Variants in RALGPS2 observed in about 807,000 individuals in gnomAD.
The protein encoded by RALGPS2 is Ral GEF with PH domain and SH3 binding motif 2.
Under a neutral mutation model 86.8 loss-of-function variants are expected in RALGPS2, and 43 were observed. That is an observed-to-expected ratio of 0.50 (90% CI 0.39 to 0.64). RALGPS2 has a LOEUF of 0.64. RALGPS2 is among the 30% of genes least tolerant of loss of function. The pLI, the probability that RALGPS2 is intolerant of heterozygous loss-of-function variation, is 0.00. For missense variants in RALGPS2, 536 were observed against 694.6 expected (o/e 0.77, Z 2.57); for synonymous variants, 243 against 231.3 (o/e 1.05, Z -0.46).
chr1:178,833,327 A>T, intron 7 of RALGPS2, 97 bp from the exon 8 acceptor site: 1 of 1,144,332 alleles, frequency 8.7e-7, no homozygotes, highest in Non-Finnish European at 1.1e-6. Flanking sequence ...CTTTGAAATT[A>T]AAATCCATAT....
In RALGPS2 at chr1:178,821,620, T is replaced by C. The variant is rs1655509543; in HGVS notation, c.396T>C (p.Tyr132=). 3 of 1,610,762 alleles carry C rather than the reference T, an allele frequency of 1.9e-6. No homozygotes were observed. The African/African-American group carries it at 4.0e-5, about 22-fold the overall frequency. ...SHYIKTAKKL[Y]ELNNLHALMA... is the part of the protein sequence containing the mutation. Reference sequence around the variant, plus strand: ...TTTTTTCAAATCTTCAGAAACTGTATGAGCTGAATAACCTTCATGCACTTA... The same window carrying C: ...TTTTTTCAAATCTTCAGAAACTGTACGAGCTGAATAACCTTCATGCACTTA... Residue 132 remains tyrosine, a synonymous_variant, in exon 7 of 20, where the codon TAT becomes TAC. Coordinates refer to ENST00000367635, the MANE Select transcript of RALGPS2 (RefSeq NM_152663.5).
Position 178,870,789 on chromosome 1 carries a change from TC to T in RALGPS2, c.608-6708del, listed in dbSNP as rs1448158301. On this transcript the variant is annotated intron_variant, in intron 8 of 19. Coordinates refer to ENST00000367635, the MANE Select transcript of RALGPS2 (RefSeq NM_152663.5). ...GAATCCAGAAACTTGCTGCCCTTAT[TC>T]TTGATTTTAAAAATCAGTGTAGAAG... 27 of 152,214 alleles carry T rather than the reference TC, an allele frequency of 1.8e-4. 1 individual carries two copies. The highest frequency in any genetic ancestry group is 1.8e-3 in the Admixed American group (27 of 15,274). 9.4% of individuals were successfully genotyped at this position (152,214 alleles called of 1,614,324 possible).
intron 8 of RALGPS2, among the ~76,000 whole-genome samples, chr1:178,857,425 C>G (rs987898018): frequency 7.2e-5 from 11 of 152,048 alleles, no homozygotes; most frequent in African/African-American, 2.7e-4. Context: ...AAGAAACAAC[C>G]TTAGAGTCAA....
At chr1:178,746,959 T>C in intron 1 of RALGPS2, 1 of 1,003,006 alleles carries the variant, frequency 1.0e-6, no homozygotes, top group Non-Finnish European at 1.6e-6. Flanking sequence ...CAGGAGGTAG[T>C]CTTCCTTAGA....
Position 178,833,511 on chromosome 1 carries a change from A to G in RALGPS2, c.568A>G (p.Ile190Val). The G allele has an allele frequency of 6.5e-7, 1 of 1,533,210 alleles. No homozygotes were observed. The highest frequency in any genetic ancestry group is 1.4e-5 in the African/African-American group (1 of 69,206). 95.0% of individuals were successfully genotyped at this position (1,533,210 alleles called of 1,614,324 possible). A position where few individuals can be genotyped will look rare whatever the true frequency, so the allele number is the denominator to read the frequency against. ...TAACTACAAAAGACTCAGAGACTATATAAGTAGCTTAAAGATGACACCTTG... is the reference window on the plus strand; with the variant it reads ...TAACTACAAAAGACTCAGAGACTATGTAAGTAGCTTAAAGATGACACCTTG... ...EDNYKRLRDYISSLKMTPCIP... is the reference protein window; with the variant it reads ...EDNYKRLRDYVSSLKMTPCIP... Residue 190 changes from isoleucine to valine, a missense_variant, in exon 8 of 20, where the codon ATA (isoleucine) becomes GTA (valine). Transcript: ENST00000367635.
Position 178,834,327 on chromosome 1 carries a change from C to G in RALGPS2, c.607+777C>G. Among the ~76,000 whole-genome samples, 2 of 152,154 alleles carry G rather than the reference C, an allele frequency of 1.3e-5. 1 individual carries two copies. The highest frequency in any genetic ancestry group is 1.3e-4 in the Admixed American group (2 of 15,284). ...GTGCTTTCTGGTCCTCCCCACCCCC[C>G]AGATTTTGTGTTTGATGAAATTACT... On this transcript the variant is annotated intron_variant, in intron 8 of 19. Transcript: ENST00000367635.
intron 1 of RALGPS2, among the ~76,000 whole-genome samples, chr1:178,756,578 G>C (rs1651967863): frequency 6.6e-6 from 1 of 152,130 alleles, no homozygotes; most frequent in African/African-American, 2.4e-5. Context: ...GGTATAGTTT[G>C]AACTCAGGTA....
intron 1 of RALGPS2, among the ~76,000 whole-genome samples, chr1:178,768,895 GATGCTTGGAGAT>G (rs1232671766): frequency 2.6e-5 from 4 of 152,170 alleles, no homozygotes; most frequent in African/African-American, 9.7e-5. Context: ...GGGTGCTCCA[GATGCTTGGAGAT>G]ATGCCTGGGA....
At chr1:178,747,514 C>T in intron 1 of RALGPS2, 2 of 1,611,428 alleles carry the variant, frequency 1.2e-6, no homozygotes, top group South Asian at 1.1e-5. Flanking sequence ...TGCGGTTCAG[C>T]ATGACAACTG....
At chr1:178,729,161 A>G (rs1370554484) in intron 1 of RALGPS2, among the ~76,000 whole-genome samples, 1 of 152,018 alleles carries the variant, frequency 6.6e-6, no homozygotes, top group Admixed American at 6.6e-5. Flanking sequence ...CTTTTTTTTC[A>G]GAACAGATTT....
intron 11 of RALGPS2, among the ~76,000 whole-genome samples, chr1:178,883,917 A>T (rs1659366401): frequency 6.6e-6 from 1 of 151,970 alleles, no homozygotes. Flanking sequence ...TGAACCCGGG[A>T]GGCAGAGCTT....
intron 1 of RALGPS2, among the ~76,000 whole-genome samples, chr1:178,768,790 C>T (rs1250229181): frequency 3.9e-5 from 6 of 152,180 alleles, no homozygotes; most frequent in Admixed American, 6.5e-5. Flanking sequence ...ACCAGACGCC[C>T]AGAAGTGTGT....
intron 19 of RALGPS2, among the ~76,000 whole-genome samples, chr1:178,913,434 C>A (rs1037369543): frequency 6.6e-6 from 1 of 151,986 alleles, no homozygotes; most frequent in Non-Finnish European, 1.5e-5. Context: ...TCACTTTTTC[C>A]TGTATCTCAC....
chr1:178,743,932 T>C (rs374080160), intron 1 of RALGPS2, among the ~76,000 whole-genome samples: 1 of 152,150 alleles, frequency 6.6e-6, no homozygotes, highest in Non-Finnish European at 1.5e-5. Flanking sequence ...GTTAAACGTT[T>C]AAGGAAGAAT....
chr1:178,783,884 G>T (rs1486867492), intron 2 of RALGPS2, among the ~76,000 whole-genome samples: 1 of 151,988 alleles, frequency 6.6e-6, no homozygotes, highest in African/African-American at 2.4e-5. Context: ...TTTTTAAGCA[G>T]GGAAAACTTA....
intron 1 of RALGPS2, among the ~76,000 whole-genome samples, chr1:178,754,239 T>G (rs2102051141): frequency 6.6e-6 from 1 of 150,810 alleles, no homozygotes; most frequent in African/African-American, 2.4e-5. Context: ...TTTTATTATA[T>G]ATATAATCCT....
In RALGPS2 at chr1:178,897,645, C is replaced by A; in HGVS notation, c.1432-19C>A. 2 of 1,580,374 alleles carry A rather than the reference C, an allele frequency of 1.3e-6. No homozygotes were observed. Among genetic ancestry groups the A allele is most frequent in the South Asian group, 1.1e-5 (1 of 90,266 alleles). ...CCAGGAGCATTGTAATAGTATATTC[C>A]TGTGTTTGTCCTATCCAGGTAGCAT... is the stretch of plus-strand genomic sequence containing the variant. On this transcript the variant is annotated intron_variant, in intron 16 of 19. Transcript: ENST00000367635.
At chr1:178,747,673 C>T in intron 1 of RALGPS2, 1 of 1,505,388 alleles carries the variant, frequency 6.6e-7, no homozygotes, top group Non-Finnish European at 9.2e-7. Flanking sequence ...CAGTTTAACA[C>T]AACTGTGATC....
At chr1:178,761,726 A>G (rs1652252374) in intron 1 of RALGPS2, among the ~76,000 whole-genome samples, 1 of 151,772 alleles carries the variant, frequency 6.6e-6, no homozygotes, top group Non-Finnish European at 1.5e-5. Flanking sequence ...ACACCTGGCT[A>G]ATTTTTGTGT....
Sources: allele counts gnomAD v4.1 joint callset (sites outside exome capture counted in the v4.1 genomes callset), GRCh38; gene constraint gnomAD v4.1.1; transcripts MANE v1.5; gene names NCBI Gene and HGNC (gene_info 2026-07-23, HGNC 2026-07-21).